CAMTA1: variants seen among roughly 807,000 people sequenced by gnomAD.
CAMTA1 encodes calmodulin-binding transcription activator 1.
In CAMTA1, 27 loss-of-function variants were observed where a neutral mutation model predicts 170.9. That is an observed-to-expected ratio of 0.16 (90% CI 0.12 to 0.22). The LOEUF is 0.22. Among genes scored for constraint, CAMTA1 ranks in the 10% least tolerant of loss-of-function variants. The pLI is 1.00. For synonymous variants in CAMTA1, 833 were observed against 891.5 expected (o/e 0.93, Z 1.17); for missense variants, 1,619 against 2,217.2 (o/e 0.73, Z 5.42).
chr1:6,798,974 A>G (rs1219563700), intron 1 of CAMTA1, among the ~76,000 whole-genome samples: 1 of 152,206 alleles, frequency 6.6e-6, no homozygotes, highest in East Asian at 1.9e-4. Flanking sequence ...AAGGCTTTGC[A>G]CTTCCTAGAC....
chr1:7,211,648 C>T (rs2149072637), intron 4 of CAMTA1, among the ~76,000 whole-genome samples: 1 of 152,310 alleles, frequency 6.6e-6, no homozygotes, highest in Admixed American at 6.5e-5. Context: ...AGGTCGCCTT[C>T]CACTTCCTCT....
At chr1:6,801,899 A>G (rs959269078) in intron 1 of CAMTA1, among the ~76,000 whole-genome samples, 2 of 152,048 alleles carry the variant, frequency 1.3e-5, no homozygotes, top group African/African-American at 4.8e-5. Flanking sequence ...AATATTTGCA[A>G]TATTTATATT....
chr1:7,228,823 AG>A (rs1426398707), intron 4 of CAMTA1, among the ~76,000 whole-genome samples: 1 of 152,148 alleles, frequency 6.6e-6, no homozygotes, highest in Non-Finnish European at 1.5e-5. Context: ...CATGATCCAC[AG>A]CTGCCTTGGG....
chr1:6,794,582 C>T (rs573333084), intron 1 of CAMTA1, among the ~76,000 whole-genome samples: 2 of 152,306 alleles, frequency 1.3e-5, no homozygotes, highest in East Asian at 1.9e-4. Flanking sequence ...CAGTTTTGTG[C>T]TTTGGAGAGG....
chr1:7,279,504 C>T (rs1439959650), intron 5 of CAMTA1, among the ~76,000 whole-genome samples: 2 of 152,152 alleles, frequency 1.3e-5, no homozygotes, highest in Admixed American at 6.5e-5. Context: ...GTCATCCTTG[C>T]AGAGCCGCAG....
chr1:7,042,399 T>G (rs1007678490), intron 3 of CAMTA1, among the ~76,000 whole-genome samples: 32 of 152,076 alleles, frequency 2.1e-4, no homozygotes, highest in Non-Finnish European at 3.5e-4. Context: ...GTGATTCCAG[T>G]GGGGGGAAAG....
chr1:7,499,318 G>GCATGTGTGTA (rs1557822342), intron 6 of CAMTA1, among the ~76,000 whole-genome samples: 1 of 140,872 alleles, frequency 7.1e-6, no homozygotes, highest in Non-Finnish European at 1.5e-5. Context: ...GAGTGTGTGT[G>GCATGTGTGTA]CATGTGTGTA....
intron 3 of CAMTA1, among the ~76,000 whole-genome samples, chr1:7,049,848 T>C (rs74051102): frequency 0.061 from 9,241 of 152,292 alleles, 886 homozygotes; most frequent in African/African-American, 0.21. Context: ...TGTCAGGCAC[T>C]GTCCTGGACA....
chr1:6,975,243 C>T (rs939950998), intron 3 of CAMTA1, among the ~76,000 whole-genome samples: 2 of 152,196 alleles, frequency 1.3e-5, no homozygotes, highest in Non-Finnish European at 2.9e-5. Context: ...CATGTTGTCC[C>T]TGCTCTTGCG....
chr1:7,247,323 G>A (rs925100710), intron 4 of CAMTA1, among the ~76,000 whole-genome samples: 1 of 152,220 alleles, frequency 6.6e-6, no homozygotes, highest in African/African-American at 2.4e-5. Context: ...GATTCTGACT[G>A]TGTACATGAC....
At chr1:7,550,847 C>G (rs2094791359) in intron 6 of CAMTA1, among the ~76,000 whole-genome samples, 1 of 151,080 alleles carries the variant, frequency 6.6e-6, no homozygotes, top group Non-Finnish European at 1.5e-5. Context: ...TGACCACACC[C>G]ACCCAGCTGA....
At chr1:7,199,686 A>T (rs1656288619) in intron 4 of CAMTA1, among the ~76,000 whole-genome samples, 1 of 143,364 alleles carries the variant, frequency 7.0e-6, no homozygotes, top group African/African-American at 2.5e-5. Flanking sequence ...GTATCCAAGG[A>T]CGCATGGGAA....
At chr1:6,956,888 G>A (rs911877713) in intron 3 of CAMTA1, among the ~76,000 whole-genome samples, 17 of 152,216 alleles carry the variant, frequency 1.1e-4, no homozygotes, top group Non-Finnish European at 4.4e-5. Flanking sequence ...TCATCCCGAG[G>A]AGGCATGGCC....
At chr1:7,340,544 G>GCCTCCCTTCCTCCCTC (rs772743867) in intron 5 of CAMTA1, among the ~76,000 whole-genome samples, 1 of 105,426 alleles carries the variant, frequency 9.5e-6, no homozygotes, top group Non-Finnish European at 1.9e-5. Context: ...CTGCCTGCCT[G>GCCTCCCTTCCTCCCTC]CCTGCCTGCC....
At position 7,736,941 on chromosome 1, in the gene CAMTA1, G is replaced by A. The variant is rs201621529; in HGVS notation, c.3274G>A (p.Ala1092Thr). Residue 1092 changes from alanine (A) to threonine (T), a missense_variant, in exon 14 of 23, where the codon GCG becomes ACG. Transcript: ENST00000303635. The surrounding 1 kb of genome is among the most constrained non-coding windows in gnomAD (Gnocchi z 4.5). ...TGCTCTCCCTTATAGTACAAAGCAC[G>A]CGGATAGCATTGACCTGGAACTGGA... Reference protein sequence around the residue: ...QTLIKWRTKHADSIDLELEVD... With the variant: ...QTLIKWRTKHTDSIDLELEVD... The A allele has an allele frequency of 1.8e-5, 29 of 1,612,836 alleles. No homozygotes were observed. The highest frequency in any genetic ancestry group is 2.7e-5 in the African/African-American group (2 of 74,972).
chr1:7,123,790 C>T (rs2148478152), intron 4 of CAMTA1, among the ~76,000 whole-genome samples: 1 of 152,298 alleles, frequency 6.6e-6, no homozygotes, highest in African/African-American at 2.4e-5. Flanking sequence ...TTTTCCTCCA[C>T]AGCCTGACCC....
intron 5 of CAMTA1, among the ~76,000 whole-genome samples, chr1:7,366,678 C>T (rs923603619): frequency 7.9e-5 from 12 of 152,228 alleles, no homozygotes; most frequent in Non-Finnish European, 1.3e-4. Flanking sequence ...CCAGTCAAGT[C>T]GGCTCCTCGG....
In CAMTA1 at chr1:7,195,874, C is replaced by A. The variant is rs1655429144; in HGVS notation, c.303-53617C>A. ...TCTCTACTAAGAATACAAAAATTAGCCAGGCATGGTGGCACATGCCTGTAG... is the reference window on the plus strand; with the variant it reads ...TCTCTACTAAGAATACAAAAATTAGACAGGCATGGTGGCACATGCCTGTAG... On this transcript the variant is annotated intron_variant, in intron 4 of 22. Transcript: ENST00000303635. This position sits in a 1 kb window ranked among gnomAD's most constrained non-coding sequence, Gnocchi z 4.1. 6.6e-6 allele frequency among the ~76,000 whole-genome samples: 1 copy of A among 152,160 alleles called. No individual in the cohort carries two copies. The highest frequency in any genetic ancestry group is 6.5e-5 in the Admixed American group (1 of 15,276).
chr1:6,867,219 C>T (rs577064083), intron 3 of CAMTA1, among the ~76,000 whole-genome samples: 1 of 152,218 alleles, frequency 6.6e-6, no homozygotes, highest in Admixed American at 6.5e-5. Context: ...TCCTTCTGCC[C>T]ACCCTTCTCC....
Sources: allele counts gnomAD v4.1 joint callset (sites outside exome capture counted in the v4.1 genomes callset), GRCh38; gene constraint gnomAD v4.1.1; non-coding constraint Gnocchi (gnomAD v3.1); transcripts MANE v1.5; gene names NCBI Gene and HGNC (gene_info 2026-07-23, HGNC 2026-07-21).